The following TTC3 variants were observed in gnomAD, a reference collection of about 807,000 sequenced individuals.
TTC3 encodes E3 ubiquitin-protein ligase TTC3.
Under a neutral mutation model 249.6 loss-of-function variants are expected in TTC3, and 180 were observed. The observed-to-expected ratio is 0.72, with a 90% CI of 0.64 to 0.82. TTC3 has a LOEUF of 0.82. Among genes scored for constraint, TTC3 ranks in the 40% least tolerant of loss-of-function variants. TTC3 has a pLI of 0.00. For missense variants in TTC3, 2,061 were observed against 2,398.4 expected (o/e 0.86, Z 2.94); for synonymous variants, 717 against 805.0 (o/e 0.89, Z 1.85).
At chr21:37,082,974 A>G (rs774029223) in intron 1 of TTC3, 19 of 984,982 alleles carry the variant, frequency 1.9e-5, no homozygotes, top group Non-Finnish European at 2.3e-5. Flanking sequence ...AGTAAATAGC[A>G]GTACAGATGG....
At chr21:37,200,129 C>A in intron 44 of TTC3, 103 bp from the exon 45 acceptor site, 2 of 997,178 alleles carry the variant, frequency 2.0e-6, no homozygotes, top group Non-Finnish European at 2.9e-6. Context: ...TAATTTGCCA[C>A]CCTTTGTGGC....
rs760384605 is a variant in TTC3 at position 37,095,338 on chromosome 21, T to C, written c.688-12T>C. 7 of 1,582,828 alleles carry C rather than the reference T, an allele frequency of 4.4e-6. No homozygotes were observed. In the African/African-American group the frequency reaches 6.8e-5, roughly 15 times the overall value. On this transcript the variant is annotated splice_polypyrimidine_tract_variant and intron_variant, in intron 8 of 45. Coordinates refer to ENST00000355666, the Ensembl canonical transcript of TTC3. ...GGTCATTGATGGGTCTTCTTTCACC[T>C]TGGTTTCTCAGGAAGGAGAACTAAT...
intron 28 of TTC3, among the ~76,000 whole-genome samples, chr21:37,157,971 A>G (rs958387112): frequency 1.3e-5 from 2 of 152,220 alleles, no homozygotes; most frequent in Admixed American, 6.5e-5. Context: ...TTTAAATGTC[A>G]TGCTGTTTGT....
At chr21:37,090,313 C>G in intron 6 of TTC3, 27 bp downstream of exon 6, 9 of 1,593,294 alleles carry the variant, frequency 5.6e-6, no homozygotes, top group Non-Finnish European at 7.7e-6. Flanking sequence ...GAAACTGGCA[C>G]AGCCACTGTG....
chr21:37,192,970 A>G (rs1388640798), intron 41 of TTC3, among the ~76,000 whole-genome samples: 1 of 152,254 alleles, frequency 6.6e-6, no homozygotes. Flanking sequence ...AGATCAGACC[A>G]TAGGAATTTA....
intron 11 of TTC3, among the ~76,000 whole-genome samples, chr21:37,115,525 T>G (rs906544981): frequency 6.6e-6 from 1 of 152,178 alleles, no homozygotes; most frequent in Non-Finnish European, 1.5e-5. Context: ...TTCTTGCAAA[T>G]GTGCACATGG....
intron 30 of TTC3, among the ~76,000 whole-genome samples, chr21:37,161,066 CTTTA>C (rs1453264097): frequency 6.7e-6 from 1 of 149,774 alleles, no homozygotes; most frequent in African/African-American, 2.5e-5. Context: ...CACTCGTATT[CTTTA>C]TTGTCTTTTT....
At chr21:37,194,604 T>C (rs909660811) in intron 41 of TTC3, 1 of 151,982 alleles carries the variant, frequency 6.6e-6, no homozygotes, top group African/African-American at 2.4e-5. Flanking sequence ...CTCAACCCAA[T>C]AAGGAAAGAG....
intron 31 of TTC3, 80 bp from the exon 32 acceptor site, chr21:37,163,971 A>T (rs999392447): frequency 2.7e-6 from 4 of 1,469,474 alleles, no homozygotes; most frequent in Non-Finnish European, 3.7e-6. Flanking sequence ...GTTTATTTCA[A>T]TTAGACATTC....
At chr21:37,122,875 TA>T in intron 12 of TTC3, 107 bp from the exon 13 acceptor site, 1 of 1,062,034 alleles carries the variant, frequency 9.4e-7, no homozygotes, top group Non-Finnish European at 1.3e-6. Flanking sequence ...TTCAGTTTTC[TA>T]AATTTGAGGT....
chr21:37,152,110 TTCA>T, intron 26 of TTC3, 81 bp downstream of exon 26: 1 of 1,339,824 alleles, frequency 7.5e-7, no homozygotes, highest in South Asian at 2.0e-5. Context: ...GGGCCTTATA[TTCA>T]TCATTATTGA....
intron 41 of TTC3, among the ~76,000 whole-genome samples, chr21:37,192,889 C>A (rs1205694448): frequency 6.6e-6 from 1 of 152,040 alleles, no homozygotes. Flanking sequence ...ATGGCTAAAC[C>A]CATATTTCTT....
intron 11 of TTC3, among the ~76,000 whole-genome samples, chr21:37,114,600 C>T (rs1188841964): frequency 6.6e-6 from 1 of 152,124 alleles, no homozygotes; most frequent in Non-Finnish European, 1.5e-5. Context: ...TAAACTAGTT[C>T]AACCATTGTG....
At chr21:37,084,161 A>T (rs2072082807) in intron 1 of TTC3, 1 of 152,188 alleles carries the variant, frequency 6.6e-6, no homozygotes, top group Admixed American at 6.5e-5. Flanking sequence ...CCAAGGAGAG[A>T]GTAAGAGTGA....
At chr21:37,124,470 A>T (rs11088382) in intron 13 of TTC3, 149 bp from the exon 14 acceptor site, 2 of 729,102 alleles carry the variant, frequency 2.7e-6, no homozygotes, top group Non-Finnish European at 4.3e-6. Context: ...AATAATGTTT[A>T]TGTATAAAGC....
chr21:37,125,676 G>A (rs2076988808), intron 14 of TTC3, among the ~76,000 whole-genome samples: 1 of 150,832 alleles, frequency 6.6e-6, no homozygotes, highest in Non-Finnish European at 1.5e-5. Flanking sequence ...CTTCTTTTTT[G>A]GCTTACCCTT....
At chr21:37,160,850 G>A (rs375265784) in exon 30 of TTC3, 1 of 1,612,742 alleles carries the variant, frequency 6.2e-7, no homozygotes, top group Non-Finnish European at 8.5e-7. Context: ...GAAGCCAAAG[G>A]ATTCAAAGGT....
intron 10 of TTC3, among the ~76,000 whole-genome samples, chr21:37,104,741 G>A (rs2074909346): frequency 6.6e-6 from 1 of 152,210 alleles, no homozygotes; most frequent in South Asian, 2.1e-4. Context: ...TGAAGTTGTA[G>A]ATGTGGGTGA....
chr21:37,142,072 A>G (rs374068318), intron 20 of TTC3, among the ~76,000 whole-genome samples: 2 of 152,356 alleles, frequency 1.3e-5, no homozygotes, highest in East Asian at 1.9e-4. Flanking sequence ...TAAAACTCTC[A>G]ATAAATTAGG....
Sources: gnomAD v4.1 joint callset for allele counts (sites outside exome capture counted in the v4.1 genomes callset) on GRCh38, gnomAD v4.1.1 for gene constraint, MANE v1.5 for transcripts, NCBI Gene and HGNC (gene_info 2026-07-23, HGNC 2026-07-21) for gene names.